The following KCNB2 variants were observed in gnomAD, a reference collection of about 807,000 sequenced individuals.
The protein encoded by KCNB2 is delayed rectifier potassium channel protein.
KCNB2 carries 15 observed loss-of-function variants against 61.5 expected under a neutral mutation model. The observed-to-expected ratio is 0.24, with a 90% confidence interval of 0.16 to 0.38. KCNB2 has a LOEUF of 0.38. Ranked by LOEUF, KCNB2 falls within the 10% of genes least tolerant of loss-of-function variation. The probability of loss-of-function intolerance (pLI) is 1.00; values close to 1 mark genes in which losing one functional copy is unlikely to be tolerated. For synonymous variants in KCNB2, 457 were observed against 446.0 expected, an observed-to-expected ratio of 1.02 and a Z score of -0.31; for missense variants, 828 against 1,125.2, an observed-to-expected ratio of 0.74 and a Z score of 3.78.
chr8:72,623,858 A>T (rs1163956555), intron 2 of KCNB2, among the ~76,000 whole-genome samples: 1 of 152,216 alleles, frequency 6.6e-6, no homozygotes, highest in Non-Finnish European at 1.5e-5. Flanking sequence ...AGACCCACTG[A>T]GGCTGGCCCC....
Position 72,556,214 on chromosome 8 carries a change from T to C in KCNB2, c.-93-11428T>C, listed in dbSNP as rs146484780. On this transcript the variant is annotated intron_variant, in intron 1 of 2. Coordinates refer to ENST00000523207, the MANE Select transcript of KCNB2 (RefSeq NM_004770.3). ...CCTCACCAAATGCTTTGATATTTTCTTATCAAATTTTGCTGAATTATATTT... is the reference window on the plus strand; with the variant it reads ...CCTCACCAAATGCTTTGATATTTTCCTATCAAATTTTGCTGAATTATATTT... Among the ~76,000 whole-genome samples, 3 of 152,302 alleles carry C rather than the reference T, an allele frequency of 2.0e-5. No individual in the cohort carries two copies. In the South Asian group the frequency reaches 6.2e-4, roughly 32 times the overall value.
At chr8:72,547,117 G>A (rs559682510) in intron 1 of KCNB2, among the ~76,000 whole-genome samples, 61 of 152,324 alleles carry the variant, frequency 4.0e-4, no homozygotes, top group African/African-American at 1.4e-3. Context: ...AAGCCTGAAT[G>A]AACAATGCAT....
At chr8:72,675,551 C>T in intron 2 of KCNB2, among the ~76,000 whole-genome samples, 1 of 150,754 alleles carries the variant, frequency 6.6e-6, no homozygotes, top group African/African-American at 2.5e-5. Context: ...CTCACTCTGT[C>T]ACCCAGGCTG....
chr8:72,772,940 G>A (rs1403843504), intron 2 of KCNB2, among the ~76,000 whole-genome samples: 1 of 152,142 alleles, frequency 6.6e-6, no homozygotes, highest in African/African-American at 2.4e-5. Flanking sequence ...AAAGCCCTTA[G>A]GCACAAAAAT....
At chr8:72,785,375 C>T (rs898967230) in intron 2 of KCNB2, among the ~76,000 whole-genome samples, 8 of 152,148 alleles carry the variant, frequency 5.3e-5, no homozygotes, top group Non-Finnish European at 1.0e-4. Context: ...TTTGTGTTAT[C>T]CATTTCTTAT....
chr8:72,624,629 G>C (rs1361869743), intron 2 of KCNB2, among the ~76,000 whole-genome samples: 2 of 152,120 alleles, frequency 1.3e-5, no homozygotes, highest in African/African-American at 4.8e-5. Flanking sequence ...ACAAGATACT[G>C]TGAGTCTGCA....
intron 2 of KCNB2, among the ~76,000 whole-genome samples, chr8:72,715,743 T>A (rs1187167421): frequency 1.3e-5 from 2 of 151,864 alleles, no homozygotes; most frequent in Non-Finnish European, 2.9e-5. Context: ...AACATCACAA[T>A]TAAAAGAACT....
chr8:72,727,335 G>A (rs951313000), intron 2 of KCNB2, among the ~76,000 whole-genome samples: 3 of 152,096 alleles, frequency 2.0e-5, no homozygotes, highest in African/African-American at 4.8e-5. Flanking sequence ...TCAGAAATAG[G>A]GATAAGGGCC....
At chr8:72,694,976 A>C (rs1806995350) in intron 2 of KCNB2, among the ~76,000 whole-genome samples, 1 of 152,082 alleles carries the variant, frequency 6.6e-6, no homozygotes, top group African/African-American at 2.4e-5. Context: ...GTCAAAATTA[A>C]CTGTAGGTTA....
chr8:72,748,564 C>A (rs1808120478), intron 2 of KCNB2, among the ~76,000 whole-genome samples: 1 of 149,932 alleles, frequency 6.7e-6, no homozygotes, highest in Non-Finnish European at 1.5e-5. Context: ...TTTTTCCAAT[C>A]CTACTGAATT....
intron 2 of KCNB2, among the ~76,000 whole-genome samples, chr8:72,843,554 TTA>T (rs1482871595): frequency 7.6e-4 from 116 of 152,308 alleles, no homozygotes; most frequent in African/African-American, 2.7e-3. Context: ...TCTCCCACTC[TTA>T]TTGTGTGCAA....
intron 2 of KCNB2, among the ~76,000 whole-genome samples, chr8:72,668,199 A>T (rs1219766375): frequency 6.6e-6 from 1 of 152,186 alleles, no homozygotes; most frequent in East Asian, 1.9e-4. Flanking sequence ...TGGAATACTG[A>T]CAACCAGGGA....
Position 72,937,027 on chromosome 8 carries a change from C to T in KCNB2, c.1672C>T (p.Pro558Ser), listed in dbSNP as rs1806920010. 6.2e-7 allele frequency: 1 copy of T among 1,614,084 alleles called. No individual in the cohort carries two copies. The highest frequency in any genetic ancestry group is 8.5e-7 in the Non-Finnish European group (1 of 1,179,996). ...GACACAGCCTCATTCTCACCCAAACCCAGACTGCCAAGAAAAGCCTGAGAG... is the reference window on the plus strand; with the variant it reads ...GACACAGCCTCATTCTCACCCAAACTCAGACTGCCAAGAAAAGCCTGAGAG... The part of the protein sequence containing the change: ...TKTQPHSHPN[P>S]DCQEKPERPS... Residue 558 changes from proline (P) to serine (S), a missense_variant, in exon 3 of 3, where the codon CCA (proline) becomes TCA (serine). By Grantham distance (74) the Pro-to-Ser change is moderately conservative. Transcript: ENST00000523207.
Position 72,762,882 on chromosome 8 carries a change from A to AATATATATAT in KCNB2, c.580-173039_580-173030dup, listed in dbSNP as rs10551590. ...AAGCAAAAAGTAAATCATATTAACA[A>AATATATATAT]ATATATATATATATATATATATAGT... On this transcript the variant is annotated intron_variant, in intron 2 of 2. Transcript: ENST00000523207. 3.4e-3 allele frequency among the ~76,000 whole-genome samples: 480 copies of AATATATATAT among 141,590 alleles called. 9 individuals carry two copies. Among genetic ancestry groups the AATATATATAT allele is most frequent in the East Asian group, 0.032 (150 of 4,628 alleles). The allele number at this position is 141,590 out of a possible 152,430, so 92.9% of individuals were successfully genotyped here.
chr8:72,682,126 C>T (rs897294392), intron 2 of KCNB2, among the ~76,000 whole-genome samples: 8 of 152,020 alleles, frequency 5.3e-5, no homozygotes, highest in Admixed American at 2.0e-4. Context: ...TCTGATTATA[C>T]GATTTGTATG....
chr8:72,851,840 A>AAAAAAAAAAAAAAAAAAAAAAAACAAAAC (rs1554538995), intron 2 of KCNB2, among the ~76,000 whole-genome samples: 1 of 134,460 alleles, frequency 7.4e-6, no homozygotes, highest in Non-Finnish European at 1.5e-5. Flanking sequence ...AAAAAAAAAA[A>AAAAAAAAAAAAAAAAAAAAAAAACAAAAC]AAAAAAAACA....
chr8:72,706,812 T>A (rs1038987750), intron 2 of KCNB2, among the ~76,000 whole-genome samples: 1 of 152,222 alleles, frequency 6.6e-6, no homozygotes, highest in African/African-American at 2.4e-5. Context: ...TTAAATCACA[T>A]ACTTCTCAAA....
intron 2 of KCNB2, among the ~76,000 whole-genome samples, chr8:72,669,643 T>G (rs182015958): frequency 6.6e-5 from 10 of 152,348 alleles, no homozygotes. Context: ...TCATTCAGAT[T>G]TTTTACAAGA....
At chr8:72,699,587 C>T (rs1382478766) in intron 2 of KCNB2, among the ~76,000 whole-genome samples, 1 of 152,120 alleles carries the variant, frequency 6.6e-6, no homozygotes, top group Non-Finnish European at 1.5e-5. Flanking sequence ...TGTGCAGACG[C>T]TCTTTAGTTT....
Sources: gnomAD v4.1 joint callset for allele counts (sites outside exome capture counted in the v4.1 genomes callset) on GRCh38, gnomAD v4.1.1 for gene constraint, MANE v1.5 for transcripts, NCBI Gene and HGNC (gene_info 2026-07-23, HGNC 2026-07-21) for gene names.